Variants in NEB observed in about 807,000 individuals in gnomAD.
NEB encodes the protein nebulin.
In NEB, 512 loss-of-function variants were observed where a neutral mutation model predicts 952.2. That is an observed-to-expected ratio of 0.54 (90% CI 0.50 to 0.58). NEB has a LOEUF of 0.58. NEB is among the 20% of genes least tolerant of loss of function. The pLI is 0.00. For missense variants in NEB, 8,428 were observed against 9,231.1 expected, an observed-to-expected ratio of 0.91 and a Z score of 3.56; for synonymous variants, 2,900 against 3,149.8, an observed-to-expected ratio of 0.92 and a Z score of 2.66.
intron 153 of NEB, 105 bp from the exon 154 acceptor site, chr2:151,519,873 G>GC: frequency 1.4e-6 from 1 of 715,198 alleles, no homozygotes; most frequent in Non-Finnish European, 2.5e-6. Flanking sequence ...TGTACATAGA[G>GC]TGATCATATA....
chr2:151,512,586 A>C, intron 161 of NEB, 147 bp downstream of exon 161: 1 of 686,134 alleles, frequency 1.5e-6, no homozygotes, highest in Non-Finnish European at 2.6e-6. Flanking sequence ...AGTGCTGGGA[A>C]TACAGACGTG....
rs2078283184 is a variant in NEB, at chr2:151,517,268, A to G, written c.22801-705T>C. 2.6e-5 allele frequency among the ~76,000 whole-genome samples: 4 copies of G among 152,250 alleles called. No individual in the cohort carries two copies. In the South Asian group the frequency reaches 8.3e-4, roughly 32 times the overall value. On this transcript the variant is annotated intron_variant, in intron 156 of 181. Transcript: ENST00000397345. ...ATGTATGTGACAGAGAACTTCTGGA[A>G]AAACAGGCGAAGACCCTCATGCACG...
rs772819515 is a variant in NEB at position 151,671,051 on chromosome 2, G to A, written c.4478C>T (p.Ala1493Val). The change falls in exon 38 of 182, where the codon GCT (alanine) becomes GTT (valine). Residue 1493 changes from alanine to valine, a missense_variant. By Grantham distance (64) the Ala-to-Val change is moderately conservative. This residue lies in a region of NEB where 2,851 missense variants were observed against 2,791.5 expected (regional missense o/e 1.02). Coordinates refer to ENST00000397345, the MANE Select transcript of NEB (RefSeq NM_001164508.2). Reference protein sequence around the residue: ...SVPDSMGMVLAQHNTKQLSDL... With the variant: ...SVPDSMGMVLVQHNTKQLSDL... Reference sequence around the variant, plus strand: ...ACTTAGCTGCTTTGTGTTATGCTGAGCCAACACCATGCCCATGGAATCAGG... The same window carrying A: ...ACTTAGCTGCTTTGTGTTATGCTGAACCAACACCATGCCCATGGAATCAGG... The A allele has an allele frequency of 2.1e-5, 34 of 1,613,788 alleles. No homozygotes were observed. The highest frequency in any genetic ancestry group is 2.9e-5 in the Non-Finnish European group (34 of 1,179,840).
chr2:151,506,965 CAACT>C lies in NEB; in HGVS notation c.23496_23499del (p.Val7833PhefsTer10), dbSNP rs762780413. On this transcript the variant is annotated frameshift_variant, in exon 163 of 182. Transcript: ENST00000397345. LOFTEE classifies it high-confidence loss of function. Reference sequence around the variant, plus strand: ...CGCAGTATTTCTGGCGTGTCTTGAACAACTGTAATTTTTCCTTTACTGTTTTTAA... The same window carrying C: ...CGCAGTATTTCTGGCGTGTCTTGAACGTAATTTTTCCTTTACTGTTTTTAA... 6.2e-7 allele frequency: 1 copy of C among 1,611,478 alleles called. No individual in the cohort carries two copies. The highest frequency in any genetic ancestry group is 8.5e-7 in the Non-Finnish European group (1 of 1,178,404).
rs1304320174 is a variant in NEB, at chr2:151,537,145, G to C, written c.21194C>G (p.Thr7065Ser). 1 of 1,609,850 alleles carries C rather than the reference G, an allele frequency of 6.2e-7. No individual in the cohort carries two copies. Among genetic ancestry groups the C allele is most frequent in the South Asian group, 1.1e-5 (1 of 90,956 alleles). The change falls in exon 141 of 182, where the codon ACT becomes AGT. Residue 7065 changes from threonine (T) to serine (S), a missense_variant. Thr to Ser is a moderately conservative substitution (Grantham distance 58). Around this residue, in one of 11 missense-constraint regions of NEB, gnomAD observed 3,374 missense variants for 3,651.5 expected, o/e 0.92. Transcript: ENST00000397345. Reference sequence around the variant, plus strand: ...GAGTATATATACCTTGCTGTAGAGAGTCTTGTTCTTTTCAGCCAGAGTGAA... The same window carrying C: ...GAGTATATATACCTTGCTGTAGAGACTCTTGTTCTTTTCAGCCAGAGTGAA... Reference protein sequence around the residue: ...PDFTLAEKNKTLYSKYKYKEV... With the variant: ...PDFTLAEKNKSLYSKYKYKEV...
chr2:151,654,183 G>T, intron 51 of NEB, 84 bp from the exon 52 acceptor site: 1 of 714,976 alleles, frequency 1.4e-6, no homozygotes, highest in Non-Finnish European at 2.2e-6. Flanking sequence ...TACCTACAGA[G>T]TGAATATCAG....
chr2:151,539,629 A>C (rs1459037789), intron 138 of NEB, among the ~76,000 whole-genome samples: 1 of 152,144 alleles, frequency 6.6e-6, no homozygotes, highest in Non-Finnish European at 1.5e-5. Context: ...GGACCCTGAG[A>C]CACAAAACCC....
intron 54 of NEB, 35 bp from the exon 55 acceptor site, chr2:151,646,269 GTTAGA>G (rs757123029): frequency 2.1e-6 from 3 of 1,432,776 alleles, no homozygotes; most frequent in Admixed American, 2.0e-5. Context: ...CAGTGGTGTT[GTTAGA>G]TTAGTGAATG....
chr2:151,636,457 A>G (rs2098764880), intron 63 of NEB, 123 bp from the exon 64 acceptor site: 1 of 784,608 alleles, frequency 1.3e-6, no homozygotes, highest in Non-Finnish European at 2.0e-6. Context: ...TGAGAGTTCT[A>G]AGCCTTCTGC....
chr2:151,536,819 C>G (rs1024457654), intron 141 of NEB, among the ~76,000 whole-genome samples: 14 of 152,152 alleles, frequency 9.2e-5, no homozygotes, highest in Non-Finnish European at 1.3e-4. Flanking sequence ...AATAATCCCA[C>G]TTTATATTGG....
At chr2:151,610,995 T>C in intron 78 of NEB, 129 bp from the exon 79 acceptor site, 1 of 586,012 alleles carries the variant, frequency 1.7e-6, no homozygotes. Context: ...CTCCTTCTAA[T>C]GCTTTTGGGA....
rs773712866 is a variant in NEB, at chr2:151,692,067, T to C, written c.2098A>G (p.Asn700Asp). The C allele has an allele frequency of 1.2e-6, 2 of 1,613,878 alleles. No homozygotes were observed. The highest frequency in any genetic ancestry group is 3.3e-5 in the Admixed American group (2 of 60,024). Residue 700 changes from asparagine to aspartate, a missense_variant, in exon 22 of 182, where the codon AAC becomes GAC. By Grantham distance (23) the Asn-to-Asp change is conservative. This residue lies in a region of NEB where 2,851 missense variants were observed against 2,791.5 expected (regional missense o/e 1.02). Transcript: ENST00000397345. ...ATTGTCTTCAAACTTACATCACTGT[T>C]TTGAGCTGCAACTTTCATGCAGTGT... ...HTHCMKVAAQNSDKSYKAEYE... is the reference protein window; with the variant it reads ...HTHCMKVAAQDSDKSYKAEYE...
chr2:151,632,988 A>C (rs1200677195), intron 65 of NEB, among the ~76,000 whole-genome samples: 1 of 152,208 alleles, frequency 6.6e-6, no homozygotes, highest in Non-Finnish European at 1.5e-5. Context: ...GGTAGGCTGT[A>C]AGTTTTTAGG....
intron 13 of NEB, among the ~76,000 whole-genome samples, chr2:151,706,476 C>A (rs1017547121): frequency 2.0e-5 from 3 of 152,132 alleles, no homozygotes; most frequent in Admixed American, 2.0e-4. Context: ...CTTAGGGGCC[C>A]ATCTTTTAAG....
intron 13 of NEB, among the ~76,000 whole-genome samples, chr2:151,702,110 C>T (rs1448408349): frequency 3.4e-4 from 49 of 146,266 alleles, no homozygotes; most frequent in African/African-American, 1.2e-3. Flanking sequence ...TTTCTGCCTT[C>T]ATTTCGTTAT....
intron 20 of NEB, among the ~76,000 whole-genome samples, chr2:151,694,030 A>G (rs184483437): frequency 6.6e-6 from 1 of 152,342 alleles, no homozygotes; most frequent in East Asian, 1.9e-4. Flanking sequence ...TATGTATATT[A>G]AGCTCGTTTC....
At chr2:151,494,108 CT>C in intron 174 of NEB, 52 bp downstream of exon 174, 1 of 1,450,584 alleles carries the variant, frequency 6.9e-7, no homozygotes. Flanking sequence ...GCAGGCCAAA[CT>C]GCAAGAGTTA....
chr2:151,499,484 G>A, intron 168 of NEB, 94 bp from the exon 169 acceptor site: 3 of 692,962 alleles, frequency 4.3e-6, no homozygotes. Context: ...AACTACAGAC[G>A]TCAGACAGAA....
intron 48 of NEB, among the ~76,000 whole-genome samples, chr2:151,656,762 G>T (rs766367312): frequency 4.0e-4 from 60 of 151,666 alleles, no homozygotes; most frequent in Non-Finnish European, 6.6e-4. Context: ...CCCAGATTTT[G>T]TGATGATGCA....
Sources: gnomAD v4.1 joint callset for allele counts (sites outside exome capture counted in the v4.1 genomes callset) on GRCh38, gnomAD v4.1.1 for gene constraint, gnomAD v4.1.1 regional missense constraint, MANE v1.5 for transcripts, NCBI Gene and HGNC (gene_info 2026-07-23, HGNC 2026-07-21) for gene names.